THNSL1: variants seen among roughly 807,000 people sequenced by gnomAD.
THNSL1 encodes the protein threonine synthase-like 1.
Under a neutral mutation model 50.4 loss-of-function variants are expected in THNSL1, and 48 were observed. That is an observed-to-expected ratio of 0.95 (90% CI 0.76 to 1.21). THNSL1 has a LOEUF of 1.21. Among genes scored for constraint, THNSL1 ranks in the 50% most tolerant of loss-of-function variants. The pLI, the probability that THNSL1 is intolerant of heterozygous loss-of-function variation, is 0.00. For synonymous variants in THNSL1, 309 were observed against 306.1 expected, an observed-to-expected ratio of 1.01 and a Z score of -0.10; for missense variants, 896 against 871.7, an observed-to-expected ratio of 1.03 and a Z score of -0.35.
At chr10:25,000,076 A>T in the THNSL1 span, among the ~76,000 whole-genome samples, 1 of 151,962 alleles carries the variant, frequency 6.6e-6, no homozygotes, top group African/African-American at 2.4e-5. Flanking sequence ...AATACTTTTG[A>T]TGTCTTCTTT....
the THNSL1 span, among the ~76,000 whole-genome samples, chr10:24,991,472 C>A: frequency 7.3e-5 from 11 of 151,248 alleles, no homozygotes; most frequent in Admixed American, 5.3e-4. Context: ...AATGGAAGAA[C>A]GTATAAGTGG....
chr10:24,995,970 G>C, the THNSL1 span: 5 of 909,778 alleles, frequency 5.5e-6, no homozygotes, highest in Non-Finnish European at 6.4e-6. Context: ...TATTGAAGTT[G>C]CAGTCATAAT....
chr10:24,965,550 G>A, the THNSL1 span, among the ~76,000 whole-genome samples: 9 of 152,316 alleles, frequency 5.9e-5, no homozygotes, highest in South Asian at 1.0e-3. Context: ...GTGCTTAGAT[G>A]TCTATGAATA....
At chr10:24,956,905 G>A in the THNSL1 span, among the ~76,000 whole-genome samples, 1 of 152,160 alleles carries the variant, frequency 6.6e-6, no homozygotes, top group East Asian at 1.9e-4. Flanking sequence ...CAAACCCTAT[G>A]GTGAACCGCA....
the THNSL1 span, among the ~76,000 whole-genome samples, chr10:24,962,684 C>A: frequency 2.0e-4 from 30 of 152,290 alleles, 1 homozygote; most frequent in Admixed American, 1.6e-3. Flanking sequence ...CTTTCCATAG[C>A]CATTGTATAT....
the THNSL1 span, among the ~76,000 whole-genome samples, chr10:24,969,623 A>G: frequency 6.6e-6 from 1 of 151,674 alleles, no homozygotes; most frequent in Non-Finnish European, 1.5e-5. Context: ...AAAAATACAA[A>G]TAAGAGCAGT....
At chr10:25,003,189 T>A in the THNSL1 span, among the ~76,000 whole-genome samples, 26 of 152,100 alleles carry the variant, frequency 1.7e-4, no homozygotes, top group Non-Finnish European at 2.9e-4. Context: ...TTAATTTATT[T>A]ATTTATTCAT....
chr10:24,973,910 C>T, the THNSL1 span, among the ~76,000 whole-genome samples: 4 of 152,112 alleles, frequency 2.6e-5, no homozygotes, highest in African/African-American at 7.2e-5. Context: ...TTCGCCACCA[C>T]GCCCGGCTAA....
At position 25,021,874 on chromosome 10, in the gene THNSL1, A is replaced by G. The variant is rs1225368990; in HGVS notation, c.-83A>G. 1 of 152,220 alleles carries G rather than the reference A, an allele frequency of 6.6e-6. No homozygotes were observed. The highest frequency in any genetic ancestry group is 2.4e-5 in the African/African-American group (1 of 41,466). The allele number at this position is 152,220 out of a possible 1,614,324, so 9.4% of individuals were successfully genotyped here. On this transcript the variant is annotated 5_prime_UTR_variant, in exon 2 of 3. The change abolishes an upstream ATG in the 5' untranslated region. Coordinates refer to ENST00000376356, the MANE Select transcript of THNSL1 (RefSeq NM_024838.5). ...ATAAATTGAAAAGTCAAATAAGGAA[A>G]TGAATTACCTCCCTTGACGGCTCTA...
chr10:24,970,064 A>G, the THNSL1 span, among the ~76,000 whole-genome samples: 47 of 152,222 alleles, frequency 3.1e-4, no homozygotes, highest in Non-Finnish European at 5.7e-4. Context: ...TTCTTTAGCA[A>G]TTCTTACAAA....
chr10:25,005,773 C>A, the THNSL1 span, among the ~76,000 whole-genome samples: 11 of 152,334 alleles, frequency 7.2e-5, no homozygotes, highest in Middle Eastern at 3.4e-3. Context: ...TAGCTCTGAT[C>A]TGCACTTACT....
chr10:24,952,410 G>T, the THNSL1 span: 1 of 1,200,000 alleles, frequency 8.3e-7, no homozygotes, highest in Non-Finnish European at 1.2e-6. This position sits in a 1 kb window ranked among gnomAD's most constrained non-coding sequence, Gnocchi z 5.1. Flanking sequence ...CGCCGGGAGG[G>T]AGAACAAAGC....
At chr10:24,969,022 T>C in the THNSL1 span, among the ~76,000 whole-genome samples, 1 of 152,118 alleles carries the variant, frequency 6.6e-6, no homozygotes, top group South Asian at 2.1e-4. Context: ...GCCTCCAGAG[T>C]AGCTGGGATT....
the THNSL1 span, among the ~76,000 whole-genome samples, chr10:25,006,262 T>C: frequency 6.6e-6 from 1 of 152,178 alleles, no homozygotes; most frequent in Non-Finnish European, 1.5e-5. Context: ...AGGGCAACAG[T>C]AGACTTATGA....
At chr10:24,972,525 T>A in the THNSL1 span, among the ~76,000 whole-genome samples, 62 of 146,170 alleles carry the variant, frequency 4.2e-4, no homozygotes, top group African/African-American at 1.6e-3. Context: ...AAAAAATAAA[T>A]AATAATAATA....
At chr10:25,003,171 TTA>T in the THNSL1 span, among the ~76,000 whole-genome samples, 6 of 149,906 alleles carry the variant, frequency 4.0e-5, no homozygotes, top group Admixed American at 2.0e-4. Context: ...AATTAATTAA[TTA>T]ATTAATTAAT....
chr10:25,017,326 T>G (rs1341338004), intron 1 of THNSL1, among the ~76,000 whole-genome samples: 1 of 152,182 alleles, frequency 6.6e-6, no homozygotes, highest in African/African-American at 2.4e-5. Flanking sequence ...ATTTAGACGC[T>G]TTTACCCGAG....
the THNSL1 span, among the ~76,000 whole-genome samples, chr10:25,005,191 G>A: frequency 2.6e-5 from 4 of 152,230 alleles, no homozygotes; most frequent in South Asian, 8.3e-4. Flanking sequence ...GTCAGGCAGT[G>A]TCATGGATAA....
Position 25,024,139 on chromosome 10 carries a change from C to T in THNSL1, c.916C>T (p.Pro306Ser), listed in dbSNP as rs766266413. Residue 306 changes from proline to serine, a missense_variant, in exon 3 of 3, where the codon CCT becomes TCT. Physicochemically the swap from Pro to Ser is moderately conservative, Grantham distance 74. Coordinates refer to ENST00000376356, the MANE Select transcript of THNSL1 (RefSeq NM_024838.5). Reference sequence around the variant, plus strand: ...AAGATGTATCCATCCTGCAGACATACCTGCTGCCAGGTTGGGAGAAATGAT... The same window carrying T: ...AAGATGTATCCATCCTGCAGACATATCTGCTGCCAGGTTGGGAGAAATGAT... ...LERCIHPADI[P>S]AARLGEMIET... 54 of 1,614,034 alleles carry T rather than the reference C, an allele frequency of 3.3e-5. No individual in the cohort carries two copies. The South Asian group carries it at 4.0e-4, about 12-fold the overall frequency.
Sources: gnomAD v4.1 joint callset for allele counts (sites outside exome capture counted in the v4.1 genomes callset) on GRCh38, gnomAD v4.1.1 for gene constraint, Gnocchi (gnomAD v3.1) non-coding constraint, MANE v1.5 for transcripts, NCBI Gene and HGNC (gene_info 2026-07-23, HGNC 2026-07-21) for gene names.